FGF12: variants seen among roughly 807,000 people sequenced by gnomAD.
FGF12 encodes fibroblast growth factor 12B.
A neutral mutation model predicts 23.6 loss-of-function variants in FGF12; 14 were observed. That is an observed-to-expected ratio of 0.59 (90% CI 0.39 to 0.93). The LOEUF is 0.93. FGF12 is among the 40% of genes least tolerant of loss of function. The probability of loss-of-function intolerance (pLI) is 0.00; values close to 1 mark genes in which losing one functional copy is unlikely to be tolerated. For synonymous variants in FGF12, 62 were observed against 77.3 expected (o/e 0.80, Z 1.04); for missense variants, 175 against 217.8 (o/e 0.80, Z 1.24).
At position 192,167,749 on chromosome 3, in the gene FGF12, ATATATATATATATATATATAAAATTTT is replaced by A. The variant is rs1477901241; in HGVS notation, c.427+2682_427+2708del. On this transcript the variant is annotated intron_variant, in intron 5 of 5. Transcript: ENST00000445105. ...GTTATAGGTATATATATATATATAT[ATATATATATATATATATATAAAATTTT>A]TTTTTTTTTTTTTTTTTGAGAAAGA... is the stretch of plus-strand genomic sequence containing the variant. Among the ~76,000 whole-genome samples the A allele has an allele frequency of 4.3e-4, 11 of 25,470 alleles. 1 individual carries two copies. Among genetic ancestry groups the A allele is most frequent in the East Asian group, 8.0e-4 (1 of 1,246 alleles). The allele number at this position is 25,470 out of a possible 152,430, so 16.7% of individuals were successfully genotyped here. A position where few individuals can be genotyped will look rare whatever the true frequency, so the allele number is the denominator to read the frequency against.
At chr3:192,281,052 G>A (rs1314256929) in intron 4 of FGF12, among the ~76,000 whole-genome samples, 1 of 152,114 alleles carries the variant, frequency 6.6e-6, no homozygotes, top group African/African-American at 2.4e-5. Context: ...ACTTTCTGCA[G>A]TCTCTCACAT....
At chr3:192,177,842 C>T (rs576931757) in intron 4 of FGF12, among the ~76,000 whole-genome samples, 1 of 152,210 alleles carries the variant, frequency 6.6e-6, no homozygotes, top group African/African-American at 2.4e-5. Context: ...GCTCCCTTGA[C>T]TACCTTACAT....
At chr3:192,296,612 T>A (rs969873813) in intron 4 of FGF12, among the ~76,000 whole-genome samples, 1 of 152,200 alleles carries the variant, frequency 6.6e-6, no homozygotes, top group Non-Finnish European at 1.5e-5. Context: ...ATATTTACCA[T>A]CTTTAGTTGT....
chr3:192,716,692 T>A (rs1718877795), intron 2 of FGF12, among the ~76,000 whole-genome samples: 1 of 152,224 alleles, frequency 6.6e-6, no homozygotes, highest in South Asian at 2.1e-4. Flanking sequence ...CAGTAGCAGC[T>A]GTAATTATTA....
At chr3:192,454,545 A>G (rs1453627653) in intron 2 of FGF12, among the ~76,000 whole-genome samples, 2 of 152,230 alleles carry the variant, frequency 1.3e-5, no homozygotes, top group Admixed American at 6.5e-5. Flanking sequence ...AAAAAAATTC[A>G]GGAATAAAAG....
At chr3:192,240,750 A>G (rs910147168) in intron 4 of FGF12, among the ~76,000 whole-genome samples, 35 of 152,016 alleles carry the variant, frequency 2.3e-4, no homozygotes, top group African/African-American at 7.2e-4. Flanking sequence ...TCTCCCCCCA[A>G]TTTCTCAGAG....
In FGF12 at chr3:192,285,489, C is replaced by T. The variant is rs1432259508; in HGVS notation, c.228+49872G>A. ...TAAATATCATTCATATAGTTTGCTC[C>T]TGTATTTTTTTTTCAAAAATGGCCT... On this transcript the variant is annotated intron_variant, in intron 4 of 5. Coordinates refer to ENST00000445105, the MANE Select transcript of FGF12 (RefSeq NM_004113.6). Among the ~76,000 whole-genome samples the T allele has an allele frequency of 2.6e-5, 4 of 151,830 alleles. No homozygotes were observed. The East Asian group carries it at 5.8e-4, about 22-fold the overall frequency.
At chr3:192,638,364 A>G (rs1045610303) in intron 2 of FGF12, among the ~76,000 whole-genome samples, 4 of 152,174 alleles carry the variant, frequency 2.6e-5, no homozygotes, top group African/African-American at 9.7e-5. Context: ...CTTTCTTTTG[A>G]TTCTTTTTAT....
intron 4 of FGF12, among the ~76,000 whole-genome samples, chr3:192,245,797 G>T (rs1378389588): frequency 4.6e-5 from 7 of 152,164 alleles, no homozygotes; most frequent in Non-Finnish European, 8.8e-5. Flanking sequence ...GAGACTCAGA[G>T]AGGGCTTTAC....
chr3:192,226,618 AG>A (rs1178008715), intron 4 of FGF12, among the ~76,000 whole-genome samples: 10 of 152,290 alleles, frequency 6.6e-5, no homozygotes, highest in African/African-American at 2.4e-4. Flanking sequence ...TGATGGTAAC[AG>A]GAAGTGGAAC....
intron 4 of FGF12, among the ~76,000 whole-genome samples, chr3:192,249,834 A>C (rs1711881221): frequency 6.6e-6 from 1 of 152,120 alleles, no homozygotes; most frequent in African/African-American, 2.4e-5. Context: ...CTCACATTCT[A>C]TCAGTTTTTA....
intron 4 of FGF12, among the ~76,000 whole-genome samples, chr3:192,197,999 T>C (rs1210244347): frequency 1.5e-5 from 2 of 136,076 alleles, no homozygotes; most frequent in Non-Finnish European, 3.2e-5. Context: ...AGTGCCAAAC[T>C]ACAAAGCCAA....
chr3:192,620,242 G>A (rs2708315), intron 2 of FGF12, among the ~76,000 whole-genome samples: 116,491 of 151,738 alleles, frequency 0.77, 45,574 homozygotes, highest in African/African-American at 0.94. Flanking sequence ...ACACACACAC[G>A]CGCGCGCGCG....
rs1715787104 is a variant in FGF12 at position 192,641,146 on chromosome 3, C to T, written c.13+86035G>A. 3.7e-5 allele frequency among the ~76,000 whole-genome samples: 2 copies of T among 54,326 alleles called. 1 individual carries two copies. Among genetic ancestry groups the T allele is most frequent in the Non-Finnish European group, 7.9e-5 (2 of 25,302 alleles). The allele number at this position is 54,326 out of a possible 152,430, so 35.6% of individuals were successfully genotyped here. Reference sequence around the variant, plus strand: ...TTTGAGACGGAGTCTCACTCTGTCGCCCAGGCTGGAGTGCAGTGGCGGGAT... The same window carrying T: ...TTTGAGACGGAGTCTCACTCTGTCGTCCAGGCTGGAGTGCAGTGGCGGGAT... On this transcript the variant is annotated intron_variant, in intron 2 of 5. Coordinates refer to ENST00000445105, the MANE Select transcript of FGF12 (RefSeq NM_004113.6).
At chr3:192,585,304 G>C (rs1171343336) in intron 2 of FGF12, among the ~76,000 whole-genome samples, 2 of 152,022 alleles carry the variant, frequency 1.3e-5, no homozygotes, top group Admixed American at 6.5e-5. Context: ...ATATAACCCA[G>C]GTCTCTTCAA....
chr3:192,524,590 C>G (rs1490727788), intron 2 of FGF12, among the ~76,000 whole-genome samples: 1 of 152,164 alleles, frequency 6.6e-6, no homozygotes. Context: ...AATATTTCAG[C>G]CCCTTTAAGG....
chr3:192,441,389 G>C (rs1009169581), intron 2 of FGF12, among the ~76,000 whole-genome samples: 1 of 152,092 alleles, frequency 6.6e-6, no homozygotes, highest in Admixed American at 6.5e-5. Flanking sequence ...CAGGGTTCTA[G>C]CCCCAGTTCA....
At chr3:192,235,805 C>T (rs576307959) in intron 4 of FGF12, among the ~76,000 whole-genome samples, 1 of 152,138 alleles carries the variant, frequency 6.6e-6, no homozygotes, top group Non-Finnish European at 1.5e-5. Context: ...ATTCAAAGAA[C>T]CAGCTTTTGG....
chr3:192,699,227 G>A (rs1718220410), intron 2 of FGF12, among the ~76,000 whole-genome samples: 1 of 152,080 alleles, frequency 6.6e-6, no homozygotes, highest in Admixed American at 6.6e-5. Flanking sequence ...GAGGGTTTGG[G>A]CAACACATCA....
Sources: gnomAD v4.1 joint callset for allele counts (sites outside exome capture counted in the v4.1 genomes callset) on GRCh38, gnomAD v4.1.1 for gene constraint, MANE v1.5 for transcripts, NCBI Gene and HGNC (gene_info 2026-07-23, HGNC 2026-07-21) for gene names.